The following KCTD14 variants were observed in gnomAD, a reference collection of about 807,000 sequenced individuals.
The protein encoded by KCTD14 is BTB/POZ domain-containing protein KCTD14.
KCTD14 carries 7 observed loss-of-function variants against 5.9 expected under a neutral mutation model. That is an observed-to-expected ratio of 1.19 (90% confidence interval 0.68 to 2.23). The LOEUF (loss-of-function observed/expected upper bound fraction) is 2.23, where lower values mean the gene tolerates loss of function less well. KCTD14 is among the 30% of genes most tolerant of loss of function. The pLI, the probability that KCTD14 is intolerant of heterozygous loss-of-function variation, is 0.00. For missense variants in KCTD14, 342 were observed against 332.2 expected, an observed-to-expected ratio of 1.03 and a Z score of -0.23; for synonymous variants, 140 against 133.1, an observed-to-expected ratio of 1.05 and a Z score of -0.36.
intron 2 of KCTD14, among the ~76,000 whole-genome samples, chr11:78,035,343 T>C (rs922918041): frequency 1.3e-5 from 2 of 152,110 alleles, no homozygotes; most frequent in African/African-American, 2.4e-5. Flanking sequence ...GAAGCCAGAA[T>C]ATTCCTTCCC....
chr11:78,042,499 C>T (rs188138026), intron 1 of KCTD14, among the ~76,000 whole-genome samples: 32 of 151,700 alleles, frequency 2.1e-4, no homozygotes, highest in Admixed American at 1.8e-3. Flanking sequence ...CAGAGTGAGA[C>T]TATCTCAAAA....
At chr11:78,033,902 T>TAC (rs1555054309) in intron 2 of KCTD14, among the ~76,000 whole-genome samples, 4 of 41,900 alleles carry the variant, frequency 9.5e-5, no homozygotes, top group African/African-American at 2.7e-4. Context: ...TGTGTGTGTG[T>TAC]ATATATATAT....
chr11:78,023,474 A>C, upstream of KCTD14: 1 of 523,912 alleles, frequency 1.9e-6, no homozygotes, highest in Non-Finnish European at 3.4e-6. Context: ...TTAAGGACTG[A>C]CCTTTTGATA....
chr11:78,024,413 C>T (rs71468309), upstream of KCTD14, among the ~76,000 whole-genome samples: 413 of 53,292 alleles, frequency 7.7e-3, 3 homozygotes, highest in African/African-American at 0.017. Flanking sequence ...TATATATATA[C>T]ACACACACAC....
chr11:78,018,120 A>G (rs190185766), intron 1 of KCTD14, among the ~76,000 whole-genome samples: 42 of 152,134 alleles, frequency 2.8e-4, no homozygotes. Context: ...TAACAACAAC[A>G]ACAATAACAG....
intron 2 of KCTD14, among the ~76,000 whole-genome samples, chr11:78,038,273 C>T (rs368600160): frequency 1.3e-5 from 2 of 152,166 alleles, no homozygotes; most frequent in Non-Finnish European, 2.9e-5. Flanking sequence ...TCTTTTGAAG[C>T]CCCATAGGCC....
chr11:78,040,550 C>T (rs1219188495), intron 1 of KCTD14, among the ~76,000 whole-genome samples: 1 of 152,112 alleles, frequency 6.6e-6, no homozygotes, highest in Admixed American at 6.6e-5. Flanking sequence ...TGTCTTTTCT[C>T]TGTCTCTTCG....
In KCTD14 at chr11:78,016,923, G is replaced by C. The variant is rs776410047; in HGVS notation, c.438C>G (p.Ser146Arg). The C allele has an allele frequency of 3.7e-6, 6 of 1,614,094 alleles. No individual in the cohort carries two copies. The highest frequency in any genetic ancestry group is 5.1e-6 in the Non-Finnish European group (6 of 1,180,048). The change falls in exon 2 of 2, where the codon AGC (serine) becomes AGG (arginine). Residue 146 changes from serine to arginine, a missense_variant. Physicochemically the swap from Ser to Arg is moderately radical, Grantham distance 110. Coordinates refer to ENST00000353172, the MANE Select transcript of KCTD14 (RefSeq NM_023930.4). ...GGCGCACCATGAGCTCCAGGTTCTCGCTGTAGCCCGGCACTTGCAGCAAAA... is the reference window on the plus strand; with the variant it reads ...GGCGCACCATGAGCTCCAGGTTCTCCCTGTAGCCCGGCACTTGCAGCAAAA... ...KQFLLQVPGY[S>R]ENLELMVRLA...
chr11:78,028,713 A>G (rs1440688917), intron 2 of KCTD14, among the ~76,000 whole-genome samples: 1 of 152,082 alleles, frequency 6.6e-6, no homozygotes, highest in East Asian at 1.9e-4. Context: ...GACCGAGATC[A>G]GCAGATCAGT....
At chr11:78,031,652 T>G (rs960206278) in intron 2 of KCTD14, among the ~76,000 whole-genome samples, 1 of 152,072 alleles carries the variant, frequency 6.6e-6, no homozygotes, top group Non-Finnish European at 1.5e-5. Flanking sequence ...CCTCTCAAAG[T>G]GCTGGGATTA....
At chr11:78,041,648 C>G (rs1857996063) in intron 1 of KCTD14, among the ~76,000 whole-genome samples, 1 of 152,242 alleles carries the variant, frequency 6.6e-6, no homozygotes, top group South Asian at 2.1e-4. Context: ...TTAAATCTTG[C>G]AACTGCACTC....
chr11:78,031,553 AT>A (rs1200778318), intron 2 of KCTD14, among the ~76,000 whole-genome samples: 10,556 of 135,052 alleles, frequency 0.078, 1,091 homozygotes, highest in African/African-American at 0.26. Flanking sequence ...TAATTTTTGT[AT>A]TTTTTTTTTT....
rs145404061 is a variant in KCTD14, at chr11:78,028,994, G to C, written c.-1+9670C>G. The stretch of plus-strand genomic sequence containing the variant: ...CAGGTCAGGAGTTCGAGACCAGCCT[G>C]ACCAATATGGTGAAACCCCATCTCT... On this transcript the variant is annotated intron_variant, in intron 2 of 2. Transcript: ENST00000533144. Among the ~76,000 whole-genome samples, 1,233 of 152,078 alleles carry C rather than the reference G, an allele frequency of 8.1e-3. 10 individuals are homozygous for C. Among genetic ancestry groups the C allele is most frequent in the Non-Finnish European group, 0.013 (856 of 67,960 alleles).
At chr11:78,034,037 A>T (rs1295341703) in intron 2 of KCTD14, among the ~76,000 whole-genome samples, 1 of 151,886 alleles carries the variant, frequency 6.6e-6, no homozygotes, top group African/African-American at 2.4e-5. Context: ...ACATCATGGG[A>T]CAAAAATTAC....
At chr11:78,032,688 T>G (rs2136739569) in intron 2 of KCTD14, among the ~76,000 whole-genome samples, 1 of 142,854 alleles carries the variant, frequency 7.0e-6, no homozygotes, top group African/African-American at 2.6e-5. Flanking sequence ...TGGGAGAACA[T>G]AAAGTGATCT....
chr11:78,040,656 T>G (rs1051457865), intron 1 of KCTD14, among the ~76,000 whole-genome samples: 1 of 134,940 alleles, frequency 7.4e-6, no homozygotes, highest in Non-Finnish European at 1.6e-5. Context: ...AGGCCTTGAT[T>G]TTTTATTTTA....
chr11:78,027,641 G>A (rs185940660), upstream of KCTD14, among the ~76,000 whole-genome samples: 1 of 152,074 alleles, frequency 6.6e-6, no homozygotes, highest in East Asian at 1.9e-4. Flanking sequence ...GATTACAGGC[G>A]TGAGCCACCA....
At chr11:78,026,308 G>A (rs202084067), upstream of KCTD14, among the ~76,000 whole-genome samples, 8 of 152,158 alleles carry the variant, frequency 5.3e-5, no homozygotes, top group East Asian at 3.9e-4. Flanking sequence ...ATGGTGGTGC[G>A]TGCCTGTATC....
chr11:78,020,375 T>C (rs1056354729), intron 1 of KCTD14, among the ~76,000 whole-genome samples: 7 of 152,180 alleles, frequency 4.6e-5, no homozygotes, highest in Non-Finnish European at 1.0e-4. Context: ...TCAACCGAAC[T>C]GCTGGAGAAA....
Sources: allele counts gnomAD v4.1 joint callset (sites outside exome capture counted in the v4.1 genomes callset), GRCh38; gene constraint gnomAD v4.1.1; transcripts MANE v1.5; gene names NCBI Gene and HGNC (gene_info 2026-07-23, HGNC 2026-07-21).